Variants in THEM5 observed in about 807,000 individuals in gnomAD.
The protein encoded by THEM5 is thioesterase superfamily member 5.
THEM5 carries 28 observed loss-of-function variants against 24.2 expected under a neutral mutation model. That is an observed-to-expected ratio of 1.16 (90% CI 0.86 to 1.59). The LOEUF (loss-of-function observed/expected upper bound fraction) is 1.59, where lower values mean the gene tolerates loss of function less well. Among genes scored for constraint, THEM5 ranks in the 40% most tolerant of loss-of-function variants. The pLI is 0.00. For missense variants in THEM5, 260 were observed against 296.8 expected, an observed-to-expected ratio of 0.88 and a Z score of 0.91; for synonymous variants, 87 against 114.5, an observed-to-expected ratio of 0.76 and a Z score of 1.53.
intron 2 of THEM5, among the ~76,000 whole-genome samples, chr1:151,851,727 A>G (rs545028397): frequency 2.6e-5 from 4 of 152,302 alleles, no homozygotes; most frequent in South Asian, 4.1e-4. Flanking sequence ...GACAACATAT[A>G]TGAGTGAGAG....
Position 151,847,950 on chromosome 1 carries a change from C to T in THEM5, c.576-88G>A, listed in dbSNP as rs138457331. ...CTGTGTCCTCTTCCCTCTCTTCATC[C>T]CTCCCGGCCTCGAGGACTCAGAAGT... On this transcript the variant is annotated intron_variant, in intron 4 of 5. Transcript: ENST00000368817. 1,028 of 1,578,746 alleles carry T rather than the reference C, an allele frequency of 6.5e-4. 4 individuals carry two copies. The African/African-American group carries it at 0.013, about 20-fold the overall frequency.
At chr1:151,852,602 T>C (rs1653160390) in intron 1 of THEM5, 143 bp from the exon 2 acceptor site, 2 of 774,938 alleles carry the variant, frequency 2.6e-6, no homozygotes, top group Admixed American at 4.9e-5. Context: ...AAAGGGCCCA[T>C]ATTCCTTGCA....
chr1:151,847,691 GGGT>G, intron 5 of THEM5, 44 bp downstream of exon 5: 1 of 1,602,036 alleles, frequency 6.2e-7, no homozygotes, highest in Non-Finnish European at 8.5e-7. Context: ...TTCTGGGGGT[GGGT>G]GGTGGTGGGA....
Position 151,851,133 on chromosome 1 carries a change from C to T in THEM5, c.384G>A (p.Glu128=). 1 of 1,614,234 alleles carries T rather than the reference C, an allele frequency of 6.2e-7. No individual in the cohort carries two copies. Among genetic ancestry groups the T allele is most frequent in the Non-Finnish European group, 8.5e-7 (1 of 1,180,056 alleles). The part of the protein sequence containing the change: ...RCIQVEGQGF[E]YVIFFQPTQK... ...GGGTTGGCTGGAAAAAGATGACATACTCAAAGCCTTGTCCTTCCACTTGGA... is the reference window on the plus strand; with the variant it reads ...GGGTTGGCTGGAAAAAGATGACATATTCAAAGCCTTGTCCTTCCACTTGGA... Residue 128 remains glutamate (E), a synonymous_variant, in exon 3 of 6, where the codon GAG becomes GAA. Coordinates refer to ENST00000368817, the MANE Select transcript of THEM5 (RefSeq NM_182578.4).
At chr1:151,850,927 G>T in intron 3 of THEM5, 126 bp downstream of exon 3, 1 of 1,227,426 alleles carries the variant, frequency 8.1e-7, no homozygotes, top group Non-Finnish European at 1.1e-6. Context: ...CTGAAGCCTA[G>T]TGCCCCACAC....
At position 151,847,221 on chromosome 1, in the gene THEM5, CA is replaced by C. The variant is rs1421242549; in HGVS notation, c.*149del. 1 of 334,782 alleles carries C rather than the reference CA, an allele frequency of 3.0e-6. No homozygotes were observed. The highest frequency in any genetic ancestry group is 6.0e-4 in the East Asian group (1 of 1,680). 20.7% of individuals were successfully genotyped at this position (334,782 alleles called of 1,614,324 possible). ...CCAGGCAGGCAGGGGAGGCAGGAGG[CA>C]GGAGGCAGGCAGGGGAGGCAGGAGG... On this transcript the variant is annotated 3_prime_UTR_variant, in exon 6 of 6. Coordinates refer to ENST00000368817, the MANE Select transcript of THEM5 (RefSeq NM_182578.4).
intron 2 of THEM5, among the ~76,000 whole-genome samples, chr1:151,852,006 C>A (rs1159789758): frequency 6.6e-6 from 1 of 152,086 alleles, no homozygotes; most frequent in Non-Finnish European, 1.5e-5. Flanking sequence ...GGCTGGCTGT[C>A]CTCCAGTGGG....
At position 151,847,864 on chromosome 1, in the gene THEM5, T is replaced by C. The variant is rs760251027; in HGVS notation, c.576-2A>G. 2 of 1,613,878 alleles carry C rather than the reference T, an allele frequency of 1.2e-6. No individual in the cohort carries two copies. The highest frequency in any genetic ancestry group is 3.3e-5 in the Admixed American group (2 of 60,000). On this transcript the variant is annotated splice_acceptor_variant, in intron 4 of 5. Transcript: ENST00000368817. LOFTEE classifies it high-confidence loss of function. ...ACCAGAGAGTCCACGGGGATCAAGC[T>C]GGGAGACGAGGCAGCTTAGCCCATC...
chr1:151,848,199 G>A lies in THEM5; in HGVS notation c.558C>T (p.Leu186=). Reference sequence around the variant, plus strand: ...ATACTTACTTTTTGAACCTGATGTTGAGACTTAGTGTGAACAGCCCCTCTC... The same window carrying A: ...ATACTTACTTTTTGAACCTGATGTTAAGACTTAGTGTGAACAGCCCCTCTC... The part of the protein sequence containing the change: ...LAGEGLFTLS[L]NIRFKNLIPV... The change falls in exon 4 of 6, where the codon CTC becomes CTT. Residue 186 remains leucine, a synonymous_variant. Coordinates refer to ENST00000368817, the MANE Select transcript of THEM5 (RefSeq NM_182578.4). 1 of 1,614,194 alleles carries A rather than the reference G, an allele frequency of 6.2e-7. No individual in the cohort carries two copies. Among genetic ancestry groups the A allele is most frequent in the Non-Finnish European group, 8.5e-7 (1 of 1,180,018 alleles).
rs558957960 is a variant in THEM5, at chr1:151,852,342, C to G, written c.241G>C (p.Gly81Arg). ...TTGAAGGAGGGCAGCTTGATCCAGC[C>G]GCTAGACTTAGTCTTCTCCAGAAAT... ...QEFLEKTKSS[G>R]WIKLPSFKSN... is the part of the protein sequence containing the mutation. Residue 81 changes from glycine to arginine, a missense_variant, in exon 2 of 6, where the codon GGC (glycine) becomes CGC (arginine). Transcript: ENST00000368817. 6.2e-7 allele frequency: 1 copy of G among 1,614,116 alleles called. No individual in the cohort carries two copies. The highest frequency in any genetic ancestry group is 1.7e-5 in the Admixed American group (1 of 60,010).
Position 151,848,285 on chromosome 1 carries a change from G to T in THEM5, c.472C>A (p.His158Asn). 1 of 1,613,872 alleles carries T rather than the reference G, an allele frequency of 6.2e-7. No individual in the cohort carries two copies. The change falls in exon 4 of 6, where the codon CAC (histidine) becomes AAC (asparagine). Residue 158 changes from histidine (H) to asparagine (N), a missense_variant. Transcript: ENST00000368817. ...SYLEGPPGFA[H>N]GGSLAAMMDE... ...ATCATGGCTGCCAGGGACCCGCCGT[G>T]AGCAAACCTGGGGGTGGGGTAAGGT...
At chr1:151,850,020 C>T (rs994109381) in intron 3 of THEM5, among the ~76,000 whole-genome samples, 6 of 152,232 alleles carry the variant, frequency 3.9e-5, no homozygotes, top group African/African-American at 1.4e-4. Context: ...GAGCAATTCA[C>T]TAGTATCTGC....
At chr1:151,852,108 G>A (rs548195856) in intron 2 of THEM5, 150 bp downstream of exon 2, 22 of 739,350 alleles carry the variant, frequency 3.0e-5, no homozygotes, top group Admixed American at 1.6e-4. Flanking sequence ...GACACCCGCC[G>A]CCTGTTGCCT....
Position 151,852,439 on chromosome 1 carries a change from C to T in THEM5, c.144G>A (p.Glu48=), listed in dbSNP as rs1174762241. Residue 48 remains glutamate (E), a synonymous_variant, in exon 2 of 6, where the codon GAG becomes GAA. Transcript: ENST00000368817. ...GAGCATAATCCTTCAAGTCTGTCTT[C>T]TCTGGCAAGAATCTTGAGAACTGGG... is the stretch of plus-strand genomic sequence containing the variant. ...TDSMFSRFLP[E]KTDLKDYALP... The T allele has an allele frequency of 6.2e-7, 1 of 1,614,020 alleles. No individual in the cohort carries two copies. Among genetic ancestry groups the T allele is most frequent in the African/African-American group, 1.3e-5 (1 of 74,900 alleles).
chr1:151,847,685 G>A lies in THEM5; in HGVS notation c.700+53C>T, dbSNP rs374565653. 3.4e-4 allele frequency: 546 copies of A among 1,599,054 alleles called. 8 individuals are homozygous for A. The East Asian group carries it at 6.1e-3, about 18-fold the overall frequency. On this transcript the variant is annotated intron_variant, in intron 5 of 5. Coordinates refer to ENST00000368817, the MANE Select transcript of THEM5 (RefSeq NM_182578.4). ...ATCTTTTCTTCCTCCTGTTTGTTCT[G>A]GGGGTGGGTGGTGGTGGGACGGGGC...
rs752667405 is a variant in THEM5, at chr1:151,851,068, A to G, written c.449T>C (p.Leu150Pro). ...SVCLFQPGSYLEGPPGFAHGG... is the reference protein window; with the variant it reads ...SVCLFQPGSYPEGPPGFAHGG... ...GTGACCTTACCCTGGGGGCCCCTCC[A>G]GGTAGGAGCCTGGTTGGAAAAGACA... Residue 150 changes from leucine to proline, a missense_variant, in exon 3 of 6, where the codon CTG (leucine) becomes CCG (proline). Coordinates refer to ENST00000368817, the MANE Select transcript of THEM5 (RefSeq NM_182578.4). The G allele has an allele frequency of 6.2e-7, 1 of 1,614,196 alleles. No homozygotes were observed. The highest frequency in any genetic ancestry group is 1.1e-5 in the South Asian group (1 of 91,086).
chr1:151,852,106 C>T, intron 2 of THEM5, 152 bp downstream of exon 2: 1 of 733,840 alleles, frequency 1.4e-6, no homozygotes, highest in Non-Finnish European at 2.3e-6. Context: ...AGGACACCCG[C>T]CGCCTGTTGC....
At chr1:151,852,107 C>A (rs1274173333) in intron 2 of THEM5, 151 bp downstream of exon 2, 5 of 738,150 alleles carry the variant, frequency 6.8e-6, no homozygotes, top group South Asian at 3.5e-5. Flanking sequence ...GGACACCCGC[C>A]GCCTGTTGCC....
At position 151,847,233 on chromosome 1, in the gene THEM5, A is replaced by C; in HGVS notation, c.*138T>G. On this transcript the variant is annotated 3_prime_UTR_variant, in exon 6 of 6. Transcript: ENST00000368817. ...GGGAGGCAGGAGGCAGGAGGCAGGC[A>C]GGGGAGGCAGGAGGCAGGAGGCAGG... 4.1e-6 allele frequency: 1 copy of C among 243,486 alleles called. No individual in the cohort carries two copies. The highest frequency in any genetic ancestry group is 6.0e-6 in the Non-Finnish European group (1 of 167,776). The allele number at this position is 243,486 out of a possible 1,614,324, so 15.1% of individuals were successfully genotyped here. A position where few individuals can be genotyped will look rare whatever the true frequency, so the allele number is the denominator to read the frequency against.
Sources: gnomAD v4.1 joint callset for allele counts (sites outside exome capture counted in the v4.1 genomes callset) on GRCh38, gnomAD v4.1.1 for gene constraint, MANE v1.5 for transcripts, NCBI Gene and HGNC (gene_info 2026-07-23, HGNC 2026-07-21) for gene names.